The following BTG4 variants were observed in gnomAD, a reference collection of about 807,000 sequenced individuals.
BTG4 encodes protein BTG4.
A neutral mutation model predicts 19.3 loss-of-function variants in BTG4; 10 were observed. The observed-to-expected ratio is 0.52, with a 90% CI of 0.32 to 0.88. The LOEUF (loss-of-function observed/expected upper bound fraction) is 0.88, where lower values mean the gene tolerates loss of function less well. Ranked by LOEUF, BTG4 falls within the 40% of genes least tolerant of loss-of-function variation. The probability of loss-of-function intolerance (pLI) is 0.04; values close to 1 mark genes in which losing one functional copy is unlikely to be tolerated. For missense variants in BTG4, 238 were observed against 281.9 expected, an observed-to-expected ratio of 0.84 and a Z score of 1.11; for synonymous variants, 91 against 95.7, an observed-to-expected ratio of 0.95 and a Z score of 0.29.
chr11:111,461,274 T>G, the BTG4 span, among the ~76,000 whole-genome samples: 1 of 152,172 alleles, frequency 6.6e-6, no homozygotes. Context: ...GACACCACTG[T>G]TTCACAGGTC....
intron 4 of BTG4, 109 bp from the exon 5 acceptor site, chr11:111,495,423 A>G: frequency 1.1e-6 from 1 of 932,118 alleles, no homozygotes; most frequent in South Asian, 1.7e-5. Context: ...ACAAATGAAT[A>G]GAATTGAAAG....
At chr11:111,453,781 G>A in the BTG4 span, among the ~76,000 whole-genome samples, 2 of 152,230 alleles carry the variant, frequency 1.3e-5, 1 homozygote, top group Admixed American at 1.3e-4. Context: ...ATATAGAGCA[G>A]GAAAGAGACA....
chr11:111,426,853 T>C, the BTG4 span, among the ~76,000 whole-genome samples: 2 of 152,208 alleles, frequency 1.3e-5, no homozygotes, highest in African/African-American at 4.8e-5. Flanking sequence ...ACCCCGGAGT[T>C]TACTCAAAGT....
intron 1 of BTG4, among the ~76,000 whole-genome samples, chr11:111,499,912 C>T (rs554705667): frequency 4.3e-4 from 65 of 152,184 alleles, no homozygotes; most frequent in Non-Finnish European, 8.2e-4. Context: ...AAGGCCGAGG[C>T]AGGTGGATCA....
the BTG4 span, among the ~76,000 whole-genome samples, chr11:111,407,748 CA>C: frequency 6.6e-6 from 1 of 152,180 alleles, no homozygotes; most frequent in Non-Finnish European, 1.5e-5. Flanking sequence ...ACAGTCCTCC[CA>C]AAACACTACG....
At chr11:111,394,410 C>G in the BTG4 span, among the ~76,000 whole-genome samples, 1 of 152,206 alleles carries the variant, frequency 6.6e-6, no homozygotes, top group East Asian at 1.9e-4. Context: ...GTGAATAAGT[C>G]TCACAAGATC....
downstream of BTG4, among the ~76,000 whole-genome samples, chr11:111,466,030 C>T (rs35741233): frequency 2.0e-5 from 3 of 152,152 alleles, no homozygotes; most frequent in Non-Finnish European, 4.4e-5. Flanking sequence ...CCACTTCAAC[C>T]TTCGTCTTGC....
At chr11:111,459,478 C>T in the BTG4 span, 17 of 152,398 alleles carry the variant, frequency 1.1e-4, no homozygotes, top group African/African-American at 3.8e-4. Context: ...ATTCAGAATG[C>T]TAAGTTGAGC....
the BTG4 span, among the ~76,000 whole-genome samples, chr11:111,434,169 G>T: frequency 6.6e-6 from 1 of 152,182 alleles, no homozygotes; most frequent in Admixed American, 6.5e-5. Flanking sequence ...ATCAATGATA[G>T]ACTGGATAAA....
At chr11:111,433,584 C>G in the BTG4 span, among the ~76,000 whole-genome samples, 1 of 152,160 alleles carries the variant, frequency 6.6e-6, no homozygotes, top group Non-Finnish European at 1.5e-5. Context: ...AGCTTCTTCA[C>G]AGCAAAAGAA....
the BTG4 span, chr11:111,456,635 G>T: frequency 2.3e-6 from 1 of 432,834 alleles, no homozygotes; most frequent in Non-Finnish European, 4.8e-6. This position sits in a 1 kb window ranked among gnomAD's most constrained non-coding sequence, Gnocchi z 4.2. Flanking sequence ...ATACCCCCTG[G>T]CTACTTCATC....
chr11:111,422,915 C>G, the BTG4 span, among the ~76,000 whole-genome samples: 7,208 of 152,224 alleles, frequency 0.047, 556 homozygotes, highest in African/African-American at 0.16. Flanking sequence ...CAGCTTTGGT[C>G]TTAGTAAGGC....
chr11:111,467,773 A>T (rs1863808428), intron 5 of BTG4: 2 of 683,046 alleles, frequency 2.9e-6, no homozygotes, highest in African/African-American at 3.6e-5. Flanking sequence ...TCCTGGAAAT[A>T]AGTCATTTAG....
chr11:111,463,356 CAT>C (rs1863522468), downstream of BTG4: 1 of 152,664 alleles, frequency 6.6e-6, no homozygotes, highest in Non-Finnish European at 1.5e-5. Context: ...ACCCTGGAGA[CAT>C]ATTCTATGGA....
chr11:111,436,898 G>A, the BTG4 span, among the ~76,000 whole-genome samples: 1 of 152,144 alleles, frequency 6.6e-6, no homozygotes, highest in Non-Finnish European at 1.5e-5. Context: ...TCCGGCAGAT[G>A]GCAGACAGCA....
chr11:111,401,126 GGTATTA>G, the BTG4 span: 1 of 149,146 alleles, frequency 6.7e-6, no homozygotes, highest in Non-Finnish European at 1.5e-5. Context: ...GTTAGTTCAT[GGTATTA>G]CATAAATGCC....
the BTG4 span, among the ~76,000 whole-genome samples, chr11:111,397,224 T>C: frequency 9.9e-5 from 15 of 152,188 alleles, no homozygotes; most frequent in Non-Finnish European, 1.5e-4. Context: ...AGATTTATGT[T>C]TTATGCAAAT....
intron 5 of BTG4, among the ~76,000 whole-genome samples, chr11:111,482,766 T>A (rs1864817732): frequency 6.6e-6 from 1 of 151,750 alleles, no homozygotes; most frequent in African/African-American, 2.4e-5. Flanking sequence ...CACTTTAATC[T>A]AAGTCTGGTA....
chr11:111,434,703 T>G, the BTG4 span, among the ~76,000 whole-genome samples: 43 of 150,312 alleles, frequency 2.9e-4, no homozygotes, highest in Non-Finnish European at 4.7e-4. Context: ...TAATAATTGT[T>G]TAAAAAAAAA....
Sources: allele counts gnomAD v4.1 joint callset (sites outside exome capture counted in the v4.1 genomes callset), GRCh38; gene constraint gnomAD v4.1.1; non-coding constraint Gnocchi (gnomAD v3.1); transcripts MANE v1.5; gene names NCBI Gene and HGNC (gene_info 2026-07-23, HGNC 2026-07-21).